Variants in MKLN1 observed in about 807,000 individuals in gnomAD.
MKLN1 encodes muskelin.
A neutral mutation model predicts 99.0 loss-of-function variants in MKLN1; 18 were observed. That is an observed-to-expected ratio of 0.18 (90% confidence interval 0.13 to 0.27). MKLN1 has a LOEUF of 0.27. Ranked by LOEUF, MKLN1 falls within the 10% of genes least tolerant of loss-of-function variation. MKLN1 has a pLI of 1.00. For missense variants in MKLN1, 621 were observed against 875.9 expected (o/e 0.71, Z 3.67); for synonymous variants, 288 against 293.2 (o/e 0.98, Z 0.18).
In MKLN1 at chr7:131,361,485, G is replaced by A. The variant is rs373290100; in HGVS notation, c.99-13939G>A. Among the ~76,000 whole-genome samples, 92 of 151,358 alleles carry A rather than the reference G, an allele frequency of 6.1e-4. 2 individuals are homozygous for A. The South Asian group carries it at 0.017, about 28-fold the overall frequency. On this transcript the variant is annotated intron_variant, in intron 1 of 17. Transcript: ENST00000352689. Reference sequence around the variant, plus strand: ...GTTATTTTACATTCACTATCTGCTCGTATCAAAATCTAGATCATATCTGAG... The same window carrying A: ...GTTATTTTACATTCACTATCTGCTCATATCAAAATCTAGATCATATCTGAG...
intron 2 of MKLN1, among the ~76,000 whole-genome samples, chr7:131,189,235 T>A (rs1796498580): frequency 6.6e-6 from 1 of 152,182 alleles, no homozygotes; most frequent in Non-Finnish European, 1.5e-5. Context: ...TATTCAAAGA[T>A]CATATCACTA....
At chr7:131,446,668 TA>T (rs2116524987) in intron 12 of MKLN1, among the ~76,000 whole-genome samples, 1 of 152,370 alleles carries the variant, frequency 6.6e-6, no homozygotes, top group East Asian at 1.9e-4. Flanking sequence ...CTGGATATTT[TA>T]TTGATTAATA....
intron 1 of MKLN1, among the ~76,000 whole-genome samples, chr7:131,332,626 C>A (rs1279917657): frequency 6.6e-6 from 1 of 151,774 alleles, no homozygotes; most frequent in East Asian, 1.9e-4. Context: ...TGTTTATTAT[C>A]ATTCCAGATC....
intron 1 of MKLN1, 70 bp downstream of exon 1, chr7:131,328,067 T>G (rs984646395): frequency 1.0e-5 from 16 of 1,531,314 alleles, no homozygotes; most frequent in South Asian, 6.1e-5. Context: ...AGGGGTGCAA[T>G]GGAGGGCAGC....
chr7:131,470,615 C>T (rs961751739), intron 15 of MKLN1, among the ~76,000 whole-genome samples: 3 of 152,170 alleles, frequency 2.0e-5, no homozygotes, highest in African/African-American at 7.2e-5. Context: ...TCTCTAGCAC[C>T]ACAGCTGCCT....
At chr7:131,402,965 A>G (rs1794592182) in intron 6 of MKLN1, among the ~76,000 whole-genome samples, 1 of 152,174 alleles carries the variant, frequency 6.6e-6, no homozygotes, top group Non-Finnish European at 1.5e-5. Context: ...TTCCGCTTAA[A>G]GTCACTAGCT....
intron 3 of MKLN1, among the ~76,000 whole-genome samples, chr7:131,290,386 C>T (rs1798199585): frequency 6.6e-6 from 1 of 152,210 alleles, no homozygotes; most frequent in Non-Finnish European, 1.5e-5. Context: ...TTACCTACTT[C>T]TAATACTCTA....
rs1562890507 is a variant in MKLN1, at chr7:131,487,265, A to T, written c.2087-342A>T. ...CAGCAGAGAAAAGACCTAATAAGGAAAAAAAGAGAGATCAGTATTATTTGT... is the reference window on the plus strand; with the variant it reads ...CAGCAGAGAAAAGACCTAATAAGGATAAAAAGAGAGATCAGTATTATTTGT... On this transcript the variant is annotated intron_variant, in intron 17 of 17. Coordinates refer to ENST00000352689, the MANE Select transcript of MKLN1 (RefSeq NM_013255.5). This position sits in a 1 kb window ranked among gnomAD's most constrained non-coding sequence, Gnocchi z 4.7. Among the ~76,000 whole-genome samples, 1 of 152,170 alleles carries T rather than the reference A, an allele frequency of 6.6e-6. No individual in the cohort carries two copies. The highest frequency in any genetic ancestry group is 6.6e-5 in the Admixed American group (1 of 15,262).
intron 3 of MKLN1, among the ~76,000 whole-genome samples, chr7:131,272,130 C>G (rs113980655): frequency 6.6e-6 from 1 of 152,090 alleles, no homozygotes; most frequent in Admixed American, 6.6e-5. Context: ...GCTCTGGAAG[C>G]GAAGGCCTCT....
intron 3 of MKLN1, among the ~76,000 whole-genome samples, chr7:131,211,830 C>T (rs1478063809): frequency 6.6e-6 from 1 of 152,084 alleles, no homozygotes; most frequent in African/African-American, 2.4e-5. Context: ...GTTTATGTAT[C>T]CCAAGTGGCT....
intron 1 of MKLN1, among the ~76,000 whole-genome samples, chr7:131,347,108 C>A (rs963712972): frequency 2.0e-5 from 3 of 151,972 alleles, no homozygotes; most frequent in Non-Finnish European, 4.4e-5. Context: ...CATGGTGCAA[C>A]CTGCATAATT....
intron 3 of MKLN1, among the ~76,000 whole-genome samples, chr7:131,315,021 C>T (rs927660928): frequency 2.6e-5 from 4 of 152,036 alleles, no homozygotes; most frequent in Non-Finnish European, 5.9e-5. Flanking sequence ...TGTGGCCTCC[C>T]GAAGTGGGCT....
intron 2 of MKLN1, among the ~76,000 whole-genome samples, chr7:131,174,674 C>T (rs943108216): frequency 6.6e-6 from 1 of 152,080 alleles, no homozygotes; most frequent in South Asian, 2.1e-4. Context: ...TTTACAATAA[C>T]CAATTTTGGA....
In MKLN1 at chr7:131,202,146, C is replaced by CTTTTTTTTTT. The variant is rs58800874; in HGVS notation, c.-296-688_-296-679dup. Among the ~76,000 whole-genome samples, 46 of 60,272 alleles carry CTTTTTTTTTT rather than the reference C, an allele frequency of 7.6e-4. 3 individuals are homozygous for CTTTTTTTTTT. The highest frequency in any genetic ancestry group is 1.1e-3 in the South Asian group (2 of 1,802). The allele number at this position is 60,272 out of a possible 152,430, so 39.5% of individuals were successfully genotyped here. ...GGTTTCTCCACTTTGGCACTATTGA[C>CTTTTTTTTTT]TTTTTTTTTTTTTTTTTTTTTTTTT... On this transcript the variant is annotated intron_variant, in intron 2 of 7. Transcript: ENST00000416992.
chr7:131,249,393 G>C (rs1479141805), intron 3 of MKLN1, among the ~76,000 whole-genome samples: 1 of 152,242 alleles, frequency 6.6e-6, no homozygotes, highest in African/African-American at 2.4e-5. Context: ...TCTGGAGGAT[G>C]ATTGGCACCC....
At position 131,487,018 on chromosome 7, in the gene MKLN1, T is replaced by A. The variant is rs1303875197; in HGVS notation, c.2087-589T>A. On this transcript the variant is annotated intron_variant, in intron 17 of 17. Coordinates refer to ENST00000352689, the MANE Select transcript of MKLN1 (RefSeq NM_013255.5). The surrounding 1 kb of genome is among the most constrained non-coding windows in gnomAD (Gnocchi z 4.7). The stretch of plus-strand genomic sequence containing the variant: ...ATAAAGGTATAGTGTTATGTGCAGA[T>A]ACCATTCTGCATATTGTACATGTAT... Among the ~76,000 whole-genome samples the A allele has an allele frequency of 6.6e-6, 1 of 152,176 alleles. No homozygotes were observed. Among genetic ancestry groups the A allele is most frequent in the Non-Finnish European group, 1.5e-5 (1 of 68,018 alleles).
rs558783996 is a variant in MKLN1 at position 131,373,751 on chromosome 7, G to A, written c.99-1673G>A. On this transcript the variant is annotated intron_variant, in intron 1 of 17. Coordinates refer to ENST00000352689, the MANE Select transcript of MKLN1 (RefSeq NM_013255.5). Reference sequence around the variant, plus strand: ...ACATCCTGCATTATTACCATGGTACGTTTGTCACAACTAAGATGTCAACAT... The same window carrying A: ...ACATCCTGCATTATTACCATGGTACATTTGTCACAACTAAGATGTCAACAT... Among the ~76,000 whole-genome samples, 159 of 152,196 alleles carry A rather than the reference G, an allele frequency of 1.0e-3. 1 individual carries two copies. The highest frequency in any genetic ancestry group is 3.4e-3 in the African/African-American group (143 of 41,550).
intron 1 of MKLN1, among the ~76,000 whole-genome samples, chr7:131,343,586 A>G (rs1038810050): frequency 1.3e-5 from 2 of 152,112 alleles, no homozygotes; most frequent in Non-Finnish European, 1.5e-5. Context: ...CCTTCTGTTT[A>G]TTTATAGTTT....
At chr7:131,276,588 G>A (rs926870211) in intron 3 of MKLN1, among the ~76,000 whole-genome samples, 5 of 152,228 alleles carry the variant, frequency 3.3e-5, no homozygotes, top group African/African-American at 1.2e-4. Context: ...CCCTCTTCAC[G>A]ACAACCAGTG....
Sources: gnomAD v4.1 joint callset for allele counts (sites outside exome capture counted in the v4.1 genomes callset) on GRCh38, gnomAD v4.1.1 for gene constraint, Gnocchi (gnomAD v3.1) non-coding constraint, MANE v1.5 for transcripts, NCBI Gene and HGNC (gene_info 2026-07-23, HGNC 2026-07-21) for gene names.